ZC3H12B: variants seen among roughly 807,000 people sequenced by gnomAD.
The protein encoded by ZC3H12B is probable ribonuclease ZC3H12B.
In ZC3H12B, 7 loss-of-function variants were observed where a neutral mutation model predicts 43.9. The ratio of observed to expected loss-of-function variants is 0.16; its 90% CI spans 0.09 to 0.30. The LOEUF (loss-of-function observed/expected upper bound fraction) is 0.30. Ranked by LOEUF, ZC3H12B falls within the 10% of genes least tolerant of loss-of-function variation. The probability of loss-of-function intolerance (pLI) is 1.00; values close to 1 mark genes in which losing one functional copy is unlikely to be tolerated. For missense variants in ZC3H12B, 475 were observed against 670.2 expected, an observed-to-expected ratio of 0.71 and a Z score of 3.22; for synonymous variants, 222 against 241.7, an observed-to-expected ratio of 0.92 and a Z score of 0.76.
chrX:65,473,562 A>G (rs1461672175), intron 3 of ZC3H12B, among the ~76,000 whole-genome samples: 10 of 111,875 alleles, frequency 8.9e-5, no homozygotes, highest in Non-Finnish European at 1.9e-4. Flanking sequence ...ATGTCTTTTC[A>G]TTTGTGTCTT....
At chrX:65,395,796 G>C (rs185524527) in intron 2 of ZC3H12B, among the ~76,000 whole-genome samples, 15 of 111,873 alleles carry the variant, frequency 1.3e-4, no homozygotes, top group African/African-American at 4.5e-4. Context: ...GTAGAATTTG[G>C]CTGTGAATCT....
At chrX:65,137,766 T>A in the ZC3H12B span, among the ~76,000 whole-genome samples, 266 of 112,934 alleles carry the variant, frequency 2.4e-3, 1 homozygote, top group African/African-American at 8.1e-3. Flanking sequence ...ATTTTAAGTA[T>A]CTGAAACTTC....
At chrX:65,153,426 A>C in the ZC3H12B span, among the ~76,000 whole-genome samples, 1 of 112,562 alleles carries the variant, frequency 8.9e-6, no homozygotes, top group African/African-American at 3.2e-5. Flanking sequence ...GAAAGACATG[A>C]ACAGACATTT....
chrX:65,120,033 T>C, the ZC3H12B span, among the ~76,000 whole-genome samples: 1 of 112,163 alleles, frequency 8.9e-6, no homozygotes, highest in Non-Finnish European at 1.9e-5. Context: ...AGTACCATGC[T>C]GTTTTGGTTA....
At chrX:65,154,980 T>A in the ZC3H12B span, among the ~76,000 whole-genome samples, 6 of 110,579 alleles carry the variant, frequency 5.4e-5, no homozygotes, top group East Asian at 1.7e-3. Context: ...TTTTTTTTTT[T>A]TGACTGTGTC....
chrX:65,310,597 A>G, the ZC3H12B span, among the ~76,000 whole-genome samples: 1 of 112,065 alleles, frequency 8.9e-6, no homozygotes, highest in Admixed American at 9.4e-5. Flanking sequence ...ATTCAGTGCT[A>G]TCCCCATCAA....
the ZC3H12B span, among the ~76,000 whole-genome samples, chrX:65,265,026 G>A: frequency 4.5e-5 from 5 of 111,919 alleles, no homozygotes; most frequent in East Asian, 1.4e-3. Context: ...ATTCGGGACT[G>A]CAGACTTCCT....
At chrX:65,490,379 GAAA>G (rs1032989325) in intron 1 of ZC3H12B, among the ~76,000 whole-genome samples, 2 of 54,987 alleles carry the variant, frequency 3.6e-5, no homozygotes, top group African/African-American at 6.9e-5. Context: ...ACTGTTTCAG[GAAA>G]AAAAAAAAAA....
the ZC3H12B span, among the ~76,000 whole-genome samples, chrX:65,044,328 A>G: frequency 9.0e-6 from 1 of 111,270 alleles, no homozygotes; most frequent in South Asian, 3.8e-4. Context: ...AATGAATATC[A>G]AGGAGGTTAA....
the ZC3H12B span, among the ~76,000 whole-genome samples, chrX:65,134,215 T>G: frequency 9.0e-6 from 1 of 110,566 alleles, no homozygotes; most frequent in Admixed American, 9.5e-5. Context: ...TGAGCAGCCC[T>G]GGGCTGCAAT....
intron 3 of ZC3H12B, among the ~76,000 whole-genome samples, chrX:65,445,892 C>T (rs1331182995): frequency 2.7e-5 from 3 of 111,945 alleles, no homozygotes; most frequent in African/African-American, 9.8e-5. Flanking sequence ...TTACTCTTTC[C>T]TCTTCTTTCC....
intron 3 of ZC3H12B, among the ~76,000 whole-genome samples, chrX:65,434,119 C>T (rs1425429531): frequency 9.0e-6 from 1 of 111,687 alleles, no homozygotes. Context: ...TACTTGGCTC[C>T]TGCCTCCTTG....
At chrX:65,263,233 A>G in the ZC3H12B span, among the ~76,000 whole-genome samples, 1 of 111,629 alleles carries the variant, frequency 9.0e-6, no homozygotes, top group Non-Finnish European at 1.9e-5. Flanking sequence ...GGAGCAATTC[A>G]CAGACTAACA....
chrX:65,045,115 G>A, the ZC3H12B span, among the ~76,000 whole-genome samples: 3 of 112,006 alleles, frequency 2.7e-5, 1 homozygote, highest in South Asian at 1.1e-3. Context: ...TCGGTGAGTT[G>A]TAATCCTTTT....
the ZC3H12B span, among the ~76,000 whole-genome samples, chrX:65,162,797 C>T: frequency 8.9e-6 from 1 of 112,491 alleles, no homozygotes; most frequent in Non-Finnish European, 1.9e-5. Flanking sequence ...CAGCTTTGCT[C>T]CTTTGCTGGT....
chrX:65,376,718 G>A (rs964462752), intron 2 of ZC3H12B, among the ~76,000 whole-genome samples: 1 of 111,911 alleles, frequency 8.9e-6, no homozygotes, highest in Non-Finnish European at 1.9e-5. Context: ...ACTGGGCCTG[G>A]GTTGCCCTCT....
At chrX:65,495,411 T>C (rs2068264759) in intron 1 of ZC3H12B, among the ~76,000 whole-genome samples, 1 of 112,270 alleles carries the variant, frequency 8.9e-6, no homozygotes, top group Non-Finnish European at 1.9e-5. Flanking sequence ...AACAATATGT[T>C]GGAGTTCATT....
At chrX:65,331,203 G>T in the ZC3H12B span, 1 of 148,315 alleles carries the variant, frequency 6.7e-6, no homozygotes, top group East Asian at 2.0e-4. Flanking sequence ...CCCTCCTGGA[G>T]TTTAGGCTTT....
At chrX:65,363,681 G>A (rs1006183088), upstream of ZC3H12B, among the ~76,000 whole-genome samples, 11 of 111,132 alleles carry the variant, frequency 9.9e-5, no homozygotes, top group East Asian at 8.5e-4. Context: ...CACAAGGACC[G>A]GGACTGCACC....
Sources: gnomAD v4.1 joint callset for allele counts (sites outside exome capture counted in the v4.1 genomes callset) on GRCh38, gnomAD v4.1.1 for gene constraint, MANE v1.5 for transcripts, NCBI Gene and HGNC (gene_info 2026-07-23, HGNC 2026-07-21) for gene names.